BCAT1: variants seen among roughly 807,000 people sequenced by gnomAD.
The protein encoded by BCAT1 is branched-chain-amino-acid aminotransferase, cytosolic.
A neutral mutation model predicts 52.4 loss-of-function variants in BCAT1; 48 were observed. That is an observed-to-expected ratio of 0.92 (90% CI 0.73 to 1.16). The LOEUF is 1.16. Among genes scored for constraint, BCAT1 ranks in the 50% most tolerant of loss-of-function variants. The pLI is 0.00. For missense variants in BCAT1, 451 were observed against 457.1 expected (o/e 0.99, Z 0.12); for synonymous variants, 167 against 161.3 (o/e 1.04, Z -0.27).
intron 1 of BCAT1, among the ~76,000 whole-genome samples, chr12:24,910,585 A>G (rs1489648762): frequency 6.6e-6 from 1 of 152,186 alleles, no homozygotes; most frequent in Non-Finnish European, 1.5e-5. Flanking sequence ...ATAAACATGA[A>G]ATAAGTAATC....
intron 4 of BCAT1, among the ~76,000 whole-genome samples, chr12:24,880,116 A>C (rs1441615185): frequency 6.6e-6 from 1 of 152,188 alleles, no homozygotes; most frequent in Non-Finnish European, 1.5e-5. Context: ...GAACACTTGG[A>C]TTTAGCCGTC....
At chr12:24,856,102 C>T (rs570015632) in intron 5 of BCAT1, among the ~76,000 whole-genome samples, 1 of 152,190 alleles carries the variant, frequency 6.6e-6, no homozygotes, top group Non-Finnish European at 1.5e-5. Flanking sequence ...ACCTCTGCAC[C>T]TTACATGTAA....
chr12:24,887,219 TG>T (rs1471194939), intron 3 of BCAT1, among the ~76,000 whole-genome samples: 1 of 150,448 alleles, frequency 6.6e-6, no homozygotes, highest in African/African-American at 2.4e-5. Flanking sequence ...GCAGGTGGTA[TG>T]GGTACCTATG....
At position 24,908,833 on chromosome 12, in the gene BCAT1, C is replaced by A. The variant is rs555363759; in HGVS notation, c.7-6948G>T. ...AGCACCGGTTTGGGCATTGAAGTCC[C>A]TTGGTTGAGATTCGTTATCCTGGTT... On this transcript the variant is annotated intron_variant, in intron 1 of 10. Transcript: ENST00000261192. 2.0e-5 allele frequency among the ~76,000 whole-genome samples: 3 copies of A among 152,312 alleles called. No individual in the cohort carries two copies. The South Asian group carries it at 6.2e-4, about 32-fold the overall frequency.
intron 1 of BCAT1, among the ~76,000 whole-genome samples, 188 bp downstream of exon 1, chr12:24,948,739 A>C (rs1031343979): frequency 6.6e-6 from 1 of 152,190 alleles, no homozygotes; most frequent in Non-Finnish European, 1.5e-5. Context: ...TTAAACCGAA[A>C]TCTGAACAGA....
rs575218418 is a variant in BCAT1 at position 24,838,640 on chromosome 12, T to G, written c.818-2044A>C. On this transcript the variant is annotated intron_variant, in intron 7 of 10. Coordinates refer to ENST00000261192, the MANE Select transcript of BCAT1 (RefSeq NM_005504.7). ...TGTGCAAGTGCTGTTTTGTGAAACA[T>G]GTTTAACACCCAGAACTGTAACCAC... is the stretch of plus-strand genomic sequence containing the variant. Among the ~76,000 whole-genome samples, 29 of 152,156 alleles carry G rather than the reference T, an allele frequency of 1.9e-4. 2 individuals are homozygous for G. The highest frequency in any genetic ancestry group is 4.1e-4 in the Non-Finnish European group (28 of 68,030).
At chr12:24,913,089 A>G (rs2139705362) in intron 1 of BCAT1, among the ~76,000 whole-genome samples, 1 of 152,328 alleles carries the variant, frequency 6.6e-6, no homozygotes, top group African/African-American at 2.4e-5. Flanking sequence ...CAAGGAGAGT[A>G]TGCTTTTTAA....
intron 10 of BCAT1, among the ~76,000 whole-genome samples, chr12:24,825,600 C>T (rs1233246257): frequency 6.6e-6 from 1 of 151,772 alleles, no homozygotes; most frequent in Non-Finnish European, 1.5e-5. Flanking sequence ...TGTCTGTCTT[C>T]TTTTGAGAAA....
At chr12:24,946,686 T>C (rs1943936938) in intron 1 of BCAT1, among the ~76,000 whole-genome samples, 1 of 152,208 alleles carries the variant, frequency 6.6e-6, no homozygotes, top group African/African-American at 2.4e-5. Flanking sequence ...ATAAATTGTG[T>C]AGCCTTCACA....
intron 10 of BCAT1, among the ~76,000 whole-genome samples, chr12:24,827,541 C>T (rs192856579): frequency 6.6e-6 from 1 of 152,336 alleles, no homozygotes; most frequent in East Asian, 1.9e-4. Context: ...CCTGTAATCT[C>T]AGCACTTTGG....
At chr12:24,871,325 AG>A (rs1360183583) in intron 5 of BCAT1, among the ~76,000 whole-genome samples, 1 of 152,214 alleles carries the variant, frequency 6.6e-6, no homozygotes, top group Admixed American at 6.5e-5. Context: ...GATTCCAGTT[AG>A]GGAATTGGGA....
At chr12:24,831,003 C>T (rs11047667) in intron 9 of BCAT1, among the ~76,000 whole-genome samples, 17,111 of 152,114 alleles carry the variant, frequency 0.11, 1,086 homozygotes, top group Non-Finnish European at 0.13. Context: ...TTTGCATTTA[C>T]GGTTGACACT....
rs1353007741 is a variant in BCAT1 at position 24,816,248 on chromosome 12, A to G, written c.*1760T>C. 3 of 351,786 alleles carry G rather than the reference A, an allele frequency of 8.5e-6. No individual in the cohort carries two copies. Among genetic ancestry groups the G allele is most frequent in the African/African-American group, 6.3e-5 (3 of 47,632 alleles). The allele number at this position is 351,786 out of a possible 1,614,324, so 21.8% of individuals were successfully genotyped here. A position where few individuals can be genotyped will look rare whatever the true frequency, so the allele number is the denominator to read the frequency against. ...ATGTGTTGCTAAATGCCTCAAGGAAATTTTTCCAATGCATCAAACTTTTAG... is the reference window on the plus strand; with the variant it reads ...ATGTGTTGCTAAATGCCTCAAGGAAGTTTTTCCAATGCATCAAACTTTTAG... On this transcript the variant is annotated 3_prime_UTR_variant, in exon 11 of 11. Coordinates refer to ENST00000261192, the MANE Select transcript of BCAT1 (RefSeq NM_005504.7).
At chr12:24,820,651 C>T (rs911675548) in intron 10 of BCAT1, among the ~76,000 whole-genome samples, 2 of 152,132 alleles carry the variant, frequency 1.3e-5, no homozygotes, top group South Asian at 2.1e-4. Flanking sequence ...GTCAAAGCAA[C>T]GTGGCAAGTC....
At chr12:24,900,464 G>A (rs575383132) in intron 2 of BCAT1, among the ~76,000 whole-genome samples, 5 of 152,228 alleles carry the variant, frequency 3.3e-5, no homozygotes, top group South Asian at 4.1e-4. Flanking sequence ...CATGCAAGCC[G>A]ATAGTCTCAG....
intron 5 of BCAT1, among the ~76,000 whole-genome samples, chr12:24,873,917 TATC>T (rs1464459301): frequency 7.2e-5 from 11 of 152,262 alleles, no homozygotes; most frequent in African/African-American, 2.7e-4. Context: ...TTCCATTTAT[TATC>T]ATCATAAATC....
Position 24,816,787 on chromosome 12 carries a change from T to C in BCAT1, c.*1221A>G. 2.6e-6 allele frequency: 1 copy of C among 389,116 alleles called. No homozygotes were observed. Among genetic ancestry groups the C allele is most frequent in the Non-Finnish European group, 4.5e-6 (1 of 220,200 alleles). The allele number at this position is 389,116 out of a possible 1,614,324, so 24.1% of individuals were successfully genotyped here. Reference sequence around the variant, plus strand: ...AAGGGTGGTTTCAGGATGAAACTGTTACACCTCAGGTCATCAAGCATTAGA... The same window carrying C: ...AAGGGTGGTTTCAGGATGAAACTGTCACACCTCAGGTCATCAAGCATTAGA... On this transcript the variant is annotated 3_prime_UTR_variant, in exon 11 of 11. Transcript: ENST00000261192.
Position 24,817,904 on chromosome 12 carries a change from T to G in BCAT1, c.*104A>C, listed in dbSNP as rs138071978. 8.3e-7 allele frequency: 1 copy of G among 1,210,424 alleles called. No individual in the cohort carries two copies. Among genetic ancestry groups the G allele is most frequent in the African/African-American group, 1.5e-5 (1 of 66,958 alleles). The allele number at this position is 1,210,424 out of a possible 1,614,324, so 75.0% of individuals were successfully genotyped here. On this transcript the variant is annotated 3_prime_UTR_variant, in exon 11 of 11. Transcript: ENST00000261192. ...CACATTGATACTACAAACTACATTA[T>G]GCACAGGTAGCCAAAGAAATCTATC...
intron 7 of BCAT1, among the ~76,000 whole-genome samples, chr12:24,836,954 GAAAA>G (rs796652175): frequency 3.5e-5 from 3 of 86,274 alleles, no homozygotes; most frequent in African/African-American, 1.1e-4. Context: ...AAGAAAGAAA[GAAAA>G]GAGAAAGAAA....
Sources: gnomAD v4.1 joint callset for allele counts (sites outside exome capture counted in the v4.1 genomes callset) on GRCh38, gnomAD v4.1.1 for gene constraint, MANE v1.5 for transcripts, NCBI Gene and HGNC (gene_info 2026-07-23, HGNC 2026-07-21) for gene names.